Variants in AP3M1 observed in about 807,000 individuals in gnomAD.
The protein encoded by AP3M1 is adaptor related protein complex 3 subunit mu 1.
Under a neutral mutation model 42.6 loss-of-function variants are expected in AP3M1, and 29 were observed. That is an observed-to-expected ratio of 0.68 (90% CI 0.51 to 0.93). AP3M1 has a LOEUF of 0.93. Among genes scored for constraint, AP3M1 ranks in the 40% least tolerant of loss-of-function variants. AP3M1 has a pLI of 0.00. For missense variants in AP3M1, 416 were observed against 510.2 expected (o/e 0.82, Z 1.78); for synonymous variants, 178 against 175.3 (o/e 1.02, Z -0.12).
chr10:74,131,156 T>A (rs769749658), intron 4 of AP3M1, among the ~76,000 whole-genome samples: 7 of 151,938 alleles, frequency 4.6e-5, no homozygotes, highest in Non-Finnish European at 7.4e-5. Context: ...TTCAATAGAA[T>A]TTTATTTTTT....
At position 74,138,005 on chromosome 10, in the gene AP3M1, A is replaced by ATC. The variant is rs2131984880; in HGVS notation, c.273+101_273+102insGA. 2.4e-6 allele frequency: 3 copies of ATC among 1,226,198 alleles called. No individual in the cohort carries two copies. The East Asian group carries it at 7.5e-5, about 31-fold the overall frequency. 76.0% of individuals were successfully genotyped at this position (1,226,198 alleles called of 1,614,324 possible). On this transcript the variant is annotated intron_variant, in intron 2 of 8. Transcript: ENST00000355264. ...AATTTACGCTTAAACAGAGAGAGAC[A>ATC]GACAGTAAACATCAAAACCTGGGTA...
intron 1 of AP3M1, among the ~76,000 whole-genome samples, chr10:74,146,415 C>T (rs12358614): frequency 0.13 from 19,874 of 152,118 alleles, 1,302 homozygotes; most frequent in Middle Eastern, 0.21. Context: ...ACTGGATAAT[C>T]GGTAACTGAA....
intron 3 of AP3M1, among the ~76,000 whole-genome samples, chr10:74,135,925 G>A (rs1004669989): frequency 1.3e-5 from 2 of 152,124 alleles, no homozygotes; most frequent in African/African-American, 4.8e-5. Context: ...CACTGGACAG[G>A]GGTTTACAAT....
chr10:74,130,451 A>T (rs930403727), intron 4 of AP3M1, among the ~76,000 whole-genome samples: 10 of 146,212 alleles, frequency 6.8e-5, no homozygotes, highest in African/African-American at 2.2e-4. Context: ...GTAGAATATA[A>T]TTTTTTTTTT....
At chr10:74,132,938 A>G (rs1840824428) in intron 4 of AP3M1, among the ~76,000 whole-genome samples, 2 of 152,188 alleles carry the variant, frequency 1.3e-5, no homozygotes, top group Non-Finnish European at 2.9e-5. Flanking sequence ...TGAAAATTAT[A>G]TGTAACCTAT....
chr10:74,129,306 C>T, intron 5 of AP3M1, 65 bp from the exon 6 acceptor site: 1 of 1,533,800 alleles, frequency 6.5e-7, no homozygotes, highest in African/African-American at 1.4e-5. Flanking sequence ...TACTCAGATA[C>T]CTTGACAAAT....
At position 74,124,444 on chromosome 10, in the gene AP3M1, G is replaced by C. The variant is rs1423730757; in HGVS notation, c.1092C>G (p.Ala364=). 1.9e-6 allele frequency: 3 copies of C among 1,613,552 alleles called. No individual in the cohort carries two copies. The highest frequency in any genetic ancestry group is 1.7e-6 in the Non-Finnish European group (2 of 1,179,772). The part of the protein sequence containing the change: ...LKGLVNLQSG[A]PKPEENPSLN... Reference sequence around the variant, plus strand: ...GGCTCGGATTCTCTTCTGGTTTGGGGGCTCCAGACTGTAAATTTACCAGTC... The same window carrying C: ...GGCTCGGATTCTCTTCTGGTTTGGGCGCTCCAGACTGTAAATTTACCAGTC... The change falls in exon 8 of 9, where the codon GCC becomes GCG. Residue 364 remains alanine, a synonymous_variant. Transcript: ENST00000355264.
At chr10:74,149,284 T>G (rs1841445785) in intron 1 of AP3M1, among the ~76,000 whole-genome samples, 1 of 93,678 alleles carries the variant, frequency 1.1e-5, no homozygotes, top group Non-Finnish European at 2.0e-5. Context: ...TTTTTTTTTT[T>G]TTTTTTTTTT....
intron 1 of AP3M1, among the ~76,000 whole-genome samples, chr10:74,139,779 C>T (rs1470782051): frequency 2.0e-5 from 3 of 151,986 alleles, no homozygotes; most frequent in African/African-American, 7.2e-5. Flanking sequence ...TGGTGGCACG[C>T]ACCTGTAGTC....
At chr10:74,136,416 A>G (rs978083642) in intron 3 of AP3M1, among the ~76,000 whole-genome samples, 4 of 142,984 alleles carry the variant, frequency 2.8e-5, no homozygotes, top group African/African-American at 2.5e-5. Context: ...GGTGTTTTAG[A>G]AAAAAAAAAA....
At chr10:74,138,461 C>T (rs1591757540) in intron 1 of AP3M1, 79 bp from the exon 2 acceptor site, 1 of 1,318,242 alleles carries the variant, frequency 7.6e-7, no homozygotes, top group East Asian at 2.4e-5. Flanking sequence ...TACACCTTGA[C>T]CAAGTGGGAT....
At position 74,120,666 on chromosome 10, in the gene AP3M1, C is replaced by T. The variant is rs6480717; in HGVS notation, c.*3144G>A. Reference sequence around the variant, plus strand: ...CCATGTAGCTGGGATTACAGGTGTGCGCCACCATGCCTGGCTAATTTTTGT... The same window carrying T: ...CCATGTAGCTGGGATTACAGGTGTGTGCCACCATGCCTGGCTAATTTTTGT... On this transcript the variant is annotated 3_prime_UTR_variant, in exon 9 of 9. Transcript: ENST00000355264. 0.53 allele frequency: 80,649 copies of T among 152,104 alleles called. 22,350 individuals are homozygous for T. Among genetic ancestry groups the T allele is most frequent in the Middle Eastern group, 0.62 (186 of 302 alleles). The allele number at this position is 152,104 out of a possible 1,614,324, so 9.4% of individuals were successfully genotyped here. A position where few individuals can be genotyped will look rare whatever the true frequency, so the allele number is the denominator to read the frequency against.
chr10:74,129,800 T>C, intron 5 of AP3M1, 107 bp downstream of exon 5: 1 of 785,810 alleles, frequency 1.3e-6, no homozygotes. Context: ...TCTGAGATAA[T>C]CCTTTGCAAT....
intron 1 of AP3M1, among the ~76,000 whole-genome samples, chr10:74,142,001 G>A (rs1020162738): frequency 6.6e-6 from 1 of 151,970 alleles, no homozygotes; most frequent in Non-Finnish European, 1.5e-5. Flanking sequence ...GATTACAGGA[G>A]TGAGACACCG....
rs138845020 is a variant in AP3M1, at chr10:74,138,347, G to A, written c.33C>T (p.Ser11=). 1.5e-3 allele frequency: 2,362 copies of A among 1,614,006 alleles called. 24 individuals carry two copies. In the African/African-American group the frequency reaches 0.021, roughly 15 times the overall value. The part of the protein sequence containing the change: MIHSLFLINC[S]GDIFLEKHWK... ...AGTGCTTCTCTAGAAATATGTCACC[G>A]GAACAGTTTATGAGAAATAGACTGT... The change falls in exon 2 of 9, where the codon TCC becomes TCT. Residue 11 remains serine (S), a synonymous_variant. Coordinates refer to ENST00000355264, the MANE Select transcript of AP3M1 (RefSeq NM_012095.6).
intron 2 of AP3M1, 84 bp downstream of exon 2, chr10:74,138,023 C>A: frequency 1.4e-6 from 2 of 1,393,874 alleles, no homozygotes; most frequent in Admixed American, 2.3e-5. Context: ...AACATCAAAA[C>A]CTGGGTAATT....
chr10:74,141,879 GT>G (rs58905652), intron 1 of AP3M1, among the ~76,000 whole-genome samples: 93,995 of 140,352 alleles, frequency 0.67, 31,856 homozygotes, highest in Middle Eastern at 0.82. Context: ...CACCTGGCTA[GT>G]TTTTTTTTTT....
In AP3M1 at chr10:74,123,689, T is replaced by C. The variant is rs1840534866; in HGVS notation, c.*121A>G. On this transcript the variant is annotated 3_prime_UTR_variant, in exon 9 of 9. Coordinates refer to ENST00000355264, the MANE Select transcript of AP3M1 (RefSeq NM_012095.6). ...GATAACTAAGTAACTTTGTTAGCGG[T>C]GTGTAGCTAGACACAAATGCTTTAA... 3.9e-6 allele frequency: 3 copies of C among 766,616 alleles called. No homozygotes were observed. The East Asian group carries it at 7.4e-5, about 19-fold the overall frequency. 47.5% of individuals were successfully genotyped at this position (766,616 alleles called of 1,614,324 possible). A position where few individuals can be genotyped will look rare whatever the true frequency, so the allele number is the denominator to read the frequency against.
intron 1 of AP3M1, among the ~76,000 whole-genome samples, chr10:74,141,801 C>A (rs1268868795): frequency 1.3e-5 from 2 of 151,064 alleles, no homozygotes; most frequent in Non-Finnish European, 2.9e-5. Flanking sequence ...AAACCTCTGC[C>A]TCCCAAGTTC....
Sources: gnomAD v4.1 joint callset for allele counts (sites outside exome capture counted in the v4.1 genomes callset) on GRCh38, gnomAD v4.1.1 for gene constraint, MANE v1.5 for transcripts, NCBI Gene and HGNC (gene_info 2026-07-23, HGNC 2026-07-21) for gene names.